SYCP2L: variants seen among roughly 807,000 people sequenced by gnomAD.
SYCP2L encodes synaptonemal complex protein 2-like.
In SYCP2L, 98 loss-of-function variants were observed where a neutral mutation model predicts 125.8. The observed-to-expected ratio is 0.78, with a 90% confidence interval of 0.66 to 0.92. The LOEUF (loss-of-function observed/expected upper bound fraction) is 0.92, where lower values mean the gene tolerates loss of function less well. Among genes scored for constraint, SYCP2L ranks in the 40% least tolerant of loss-of-function variants. The probability of loss-of-function intolerance (pLI) is 0.00; values close to 1 mark genes in which losing one functional copy is unlikely to be tolerated. For missense variants in SYCP2L, 842 were observed against 936.4 expected, an observed-to-expected ratio of 0.90 and a Z score of 1.32; for synonymous variants, 317 against 325.4, an observed-to-expected ratio of 0.97 and a Z score of 0.28.
At chr6:10,891,611 CTCTGTGTGTGTGTGTGTGTGTGTGTG>C in intron 2 of SYCP2L, 30 bp downstream of exon 2, 2 of 129,914 alleles carry the variant, frequency 1.5e-5, no homozygotes, top group East Asian at 4.1e-4. Context: ...TATAATCTCT[CTCTGTGTGTGTGTGTGTGTGTGTGTG>C]TGTGTGTGTG....
chr6:10,959,612 G>A (rs964363905), intron 26 of SYCP2L, among the ~76,000 whole-genome samples: 2 of 152,328 alleles, frequency 1.3e-5, no homozygotes, highest in South Asian at 2.1e-4. Flanking sequence ...GCTCACGCCT[G>A]TAATCCCGGT....
At chr6:10,911,894 CTTTTTTTT>C (rs58800098) in intron 12 of SYCP2L, among the ~76,000 whole-genome samples, 2 of 50,024 alleles carry the variant, frequency 4.0e-5, no homozygotes, top group East Asian at 4.4e-4. Context: ...GGAATAAAAG[CTTTTTTTT>C]TTTTTTTTTT....
At chr6:10,922,465 C>G (rs1018703416) in intron 14 of SYCP2L, among the ~76,000 whole-genome samples, 2 of 135,674 alleles carry the variant, frequency 1.5e-5, no homozygotes, top group African/African-American at 5.4e-5. Flanking sequence ...TAGCTAGTTA[C>G]TTTTTTTTTT....
At chr6:10,965,179 A>G (rs1781658360) in intron 29 of SYCP2L, among the ~76,000 whole-genome samples, 1 of 152,184 alleles carries the variant, frequency 6.6e-6, no homozygotes, top group African/African-American at 2.4e-5. Context: ...AGACTGGATG[A>G]GGAGAGTCCA....
At position 10,894,087 on chromosome 6, in the gene SYCP2L, A is replaced by G; in HGVS notation, c.219A>G (p.Glu73=). The part of the protein sequence containing the change: ...LYRLDRSINK[E]LDKNEFQSVS... The stretch of plus-strand genomic sequence containing the variant: ...AACTTAGTGTGGTTTATACCTAGGA[A>G]CTAGATAAAAATGAATTTCAGTCTG... Residue 73 remains glutamate, a splice_region_variant and synonymous_variant, in exon 4 of 30, where the codon GAA becomes GAG. Transcript: ENST00000283141. 6.2e-7 allele frequency: 1 copy of G among 1,611,296 alleles called. No homozygotes were observed.
chr6:10,938,682 A>G (rs750448190), intron 21 of SYCP2L, among the ~76,000 whole-genome samples: 42 of 152,254 alleles, frequency 2.8e-4, no homozygotes, highest in Non-Finnish European at 5.6e-4. Flanking sequence ...AACTGTTAGA[A>G]CTAATAAATG....
chr6:10,915,568 A>G (rs967498283), intron 14 of SYCP2L, among the ~76,000 whole-genome samples: 4 of 152,204 alleles, frequency 2.6e-5, no homozygotes, highest in Admixed American at 6.5e-5. Context: ...TTCTGCATCT[A>G]TTCAGATGAT....
At chr6:10,934,848 CTA>C (rs1327399510) in intron 20 of SYCP2L, among the ~76,000 whole-genome samples, 3 of 152,046 alleles carry the variant, frequency 2.0e-5, no homozygotes, top group Non-Finnish European at 4.4e-5. Flanking sequence ...AGTAAATGAC[CTA>C]ATTCAGATTC....
At chr6:10,919,392 TG>T (rs113892091) in intron 14 of SYCP2L, among the ~76,000 whole-genome samples, 2,076 of 152,236 alleles carry the variant, frequency 0.014, 48 homozygotes, top group African/African-American at 0.047. Context: ...GGGCTGGTAC[TG>T]GGGGTTGTCT....
intron 23 of SYCP2L, among the ~76,000 whole-genome samples, chr6:10,945,496 G>A (rs186293440): frequency 9.9e-5 from 15 of 152,132 alleles, no homozygotes; most frequent in East Asian, 3.9e-4. Context: ...TAGGCCAGGC[G>A]TGGTGGCTCA....
At chr6:10,966,011 G>A (rs760523892) in intron 29 of SYCP2L, among the ~76,000 whole-genome samples, 5 of 152,182 alleles carry the variant, frequency 3.3e-5, no homozygotes, top group Admixed American at 6.5e-5. Context: ...TACTTGGGAG[G>A]CTGAGGCAGG....
chr6:10,956,719 T>C (rs2113407467), intron 25 of SYCP2L, among the ~76,000 whole-genome samples: 1 of 152,326 alleles, frequency 6.6e-6, no homozygotes, highest in East Asian at 1.9e-4. Context: ...TGCCTCGGCC[T>C]CCCAAAGTGC....
chr6:10,902,332 A>G (rs988575560), intron 6 of SYCP2L, among the ~76,000 whole-genome samples: 2 of 152,096 alleles, frequency 1.3e-5, no homozygotes, highest in African/African-American at 2.4e-5. Flanking sequence ...AGTTCTTCTT[A>G]GAAGAAGAAT....
rs866427348 is a variant in SYCP2L at position 10,888,113 on chromosome 6, T to G, written c.9+978T>G. Among the ~76,000 whole-genome samples, 377 of 104,106 alleles carry G rather than the reference T, an allele frequency of 3.6e-3. 1 individual carries two copies. The highest frequency in any genetic ancestry group is 0.012 in the African/African-American group (353 of 28,782). The allele number at this position is 104,106 out of a possible 152,430, so 68.3% of individuals were successfully genotyped here. On this transcript the variant is annotated intron_variant, in intron 1 of 29. Transcript: ENST00000283141. ...TTTTTTTTTTTTTTTTTTTTTTTTTTTGAGACGGAGTCTCATTCTGTCGCC... is the reference window on the plus strand; with the variant it reads ...TTTTTTTTTTTTTTTTTTTTTTTTTGTGAGACGGAGTCTCATTCTGTCGCC...
chr6:10,919,921 G>A (rs373471316), intron 14 of SYCP2L, among the ~76,000 whole-genome samples: 72 of 152,178 alleles, frequency 4.7e-4, no homozygotes, highest in African/African-American at 1.6e-3. Flanking sequence ...TCACTCCCAC[G>A]GTACCCCCCA....
chr6:10,929,967 ACTCTC>A (rs1410579074), intron 18 of SYCP2L: 1 of 153,528 alleles, frequency 6.5e-6, no homozygotes, highest in Non-Finnish European at 1.4e-5. Flanking sequence ...AAAAGAAATA[ACTCTC>A]CTCTTTGGTT....
chr6:10,910,419 A>G (rs1780586530), intron 11 of SYCP2L, among the ~76,000 whole-genome samples: 1 of 152,132 alleles, frequency 6.6e-6, no homozygotes, highest in African/African-American at 2.4e-5. Flanking sequence ...TATCAGTTTT[A>G]TTATATTTGT....
chr6:10,957,812 G>A (rs1032419512), intron 25 of SYCP2L, among the ~76,000 whole-genome samples: 1 of 152,108 alleles, frequency 6.6e-6, no homozygotes, highest in African/African-American at 2.4e-5. Context: ...GCAAGACCAT[G>A]TCTCTATTTT....
chr6:10,909,565 T>C (rs1035919335), intron 10 of SYCP2L, among the ~76,000 whole-genome samples: 1 of 152,204 alleles, frequency 6.6e-6, no homozygotes, highest in Non-Finnish European at 1.5e-5. Context: ...GATCTGTCTC[T>C]TTGTTTTTAG....
Sources: allele counts gnomAD v4.1 joint callset (sites outside exome capture counted in the v4.1 genomes callset), GRCh38; gene constraint gnomAD v4.1.1; transcripts MANE v1.5; gene names NCBI Gene and HGNC (gene_info 2026-07-23, HGNC 2026-07-21).